Variants in PCDHGB6 observed in about 807,000 individuals in gnomAD.
The protein encoded by PCDHGB6 is protocadherin gamma subfamily B, 6.
Under a neutral mutation model 59.1 loss-of-function variants are expected in PCDHGB6, and 51 were observed. That is an observed-to-expected ratio of 0.86 (90% CI 0.69 to 1.09). The LOEUF is 1.09. Among genes scored for constraint, PCDHGB6 ranks in the 50% least tolerant of loss-of-function variants. PCDHGB6 has a pLI of 0.00. For missense variants in PCDHGB6, 1,148 were observed against 1,205.1 expected, an observed-to-expected ratio of 0.95 and a Z score of 0.70; for synonymous variants, 466 against 495.1, an observed-to-expected ratio of 0.94 and a Z score of 0.78.
chr5:141,415,278 G>A (rs768587119), intron 1 of PCDHGB6: 4 of 1,614,212 alleles, frequency 2.5e-6, no homozygotes, highest in Non-Finnish European at 3.4e-6. Flanking sequence ...TGGTAGCGGT[G>A]GCCGCGGTCT....
chr5:141,468,939 G>A (rs2099186103), intron 1 of PCDHGB6, among the ~76,000 whole-genome samples: 1 of 144,350 alleles, frequency 6.9e-6, no homozygotes, highest in Non-Finnish European at 1.5e-5. Context: ...ATGGGAGATG[G>A]GGTAAACCTG....
chr5:141,409,314 C>G lies in PCDHGB6; in HGVS notation c.1112C>G (p.Thr371Arg). Residue 371 changes from threonine (T) to arginine (R), a missense_variant, in exon 1 of 4, where the codon ACA becomes AGA. Thr to Arg is a moderately conservative substitution (Grantham distance 71). Around this residue, in one of 5 missense-constraint regions of PCDHGB6, gnomAD observed 549 missense variants for 527.5 expected, o/e 1.04. Transcript: ENST00000520790. ...PPGMVVALFK[T>R]RDLDFGGNGE... ...GGAATGGTTGTTGCCCTCTTCAAAA[C>G]ACGGGATCTGGATTTCGGAGGAAAT... The G allele has an allele frequency of 1.9e-6, 3 of 1,613,878 alleles. No homozygotes were observed. Among genetic ancestry groups the G allele is most frequent in the Non-Finnish European group, 2.5e-6 (3 of 1,179,846 alleles).
At chr5:141,422,206 G>C (rs1269700250) in intron 1 of PCDHGB6, 2 of 1,562,442 alleles carry the variant, frequency 1.3e-6, no homozygotes, top group East Asian at 4.5e-5. Context: ...AGATGGTGGA[G>C]GTCTCTTTAC....
chr5:141,511,359 T>C lies in PCDHGB6; in HGVS notation c.*186T>C. The stretch of plus-strand genomic sequence containing the variant: ...CACCTACCCCTTCCCCCCCAGGGGG[T>C]TGAATATGCAAAAGCAGTTCCGCTG... On this transcript the variant is annotated 3_prime_UTR_variant, in exon 4 of 4. Coordinates refer to ENST00000520790, the MANE Select transcript of PCDHGB6 (RefSeq NM_018926.3). The C allele has an allele frequency of 2.2e-6, 3 of 1,339,338 alleles. No homozygotes were observed. In the South Asian group the frequency reaches 4.6e-5, roughly 20 times the overall value. The allele number at this position is 1,339,338 out of a possible 1,614,324, so 83.0% of individuals were successfully genotyped here. A position where few individuals can be genotyped will look rare whatever the true frequency, so the allele number is the denominator to read the frequency against.
chr5:141,409,109 A>G lies in PCDHGB6; in HGVS notation c.907A>G (p.Asn303Asp). The G allele has an allele frequency of 6.2e-7, 1 of 1,614,028 alleles. No homozygotes were observed. Among genetic ancestry groups the G allele is most frequent in the Non-Finnish European group, 8.5e-7 (1 of 1,179,892 alleles). Residue 303 changes from asparagine (N) to aspartate (D), a missense_variant, in exon 1 of 4, where the codon AAT becomes GAT. This residue lies in a region of PCDHGB6 where 549 missense variants were observed against 527.5 expected (regional missense o/e 1.04). Transcript: ENST00000520790. ...GGATGAGAAAACAGGTATGATTAAGAATAACCAGTCATTTGATTTTGAAGA... is the reference window on the plus strand; with the variant it reads ...GGATGAGAAAACAGGTATGATTAAGGATAACCAGTCATTTGATTTTGAAGA... ...SLDEKTGMIK[N>D]NQSFDFEDVE...
intron 1 of PCDHGB6, among the ~76,000 whole-genome samples, chr5:141,445,784 G>A (rs2098477494): frequency 6.6e-6 from 1 of 152,168 alleles, no homozygotes; most frequent in Non-Finnish European, 1.5e-5. Flanking sequence ...GGGCTAGGGA[G>A]GCTAGAAACA....
intron 1 of PCDHGB6, among the ~76,000 whole-genome samples, chr5:141,446,381 T>C (rs1225260527): frequency 1.3e-5 from 2 of 152,248 alleles, no homozygotes; most frequent in Non-Finnish European, 2.9e-5. Flanking sequence ...TAAAGAATGA[T>C]AGATTTAAGA....
chr5:141,419,214 T>C lies in PCDHGB6; in HGVS notation c.2418+8594T>C. On this transcript the variant is annotated intron_variant, in intron 1 of 3. Coordinates refer to ENST00000520790, the MANE Select transcript of PCDHGB6 (RefSeq NM_018926.3). ...GACGTCAATGACAACGCGCCGGTTT[T>C]CGGACAGTCAGCCTACCTGGTCCAC... 1.9e-6 allele frequency: 3 copies of C among 1,613,986 alleles called. No individual in the cohort carries two copies. In the South Asian group the frequency reaches 3.3e-5, roughly 18 times the overall value.
chr5:141,438,617 TATATATATATATATATATACAC>T (rs1342425883), intron 1 of PCDHGB6, among the ~76,000 whole-genome samples: 18 of 37,162 alleles, frequency 4.8e-4, no homozygotes, highest in Admixed American at 2.0e-3. Flanking sequence ...TATATATATA[TATATATATATATATATATACAC>T]ACACACACAC....
At chr5:141,500,450 C>A (rs2099800340) in intron 2 of PCDHGB6, among the ~76,000 whole-genome samples, 1 of 152,072 alleles carries the variant, frequency 6.6e-6, no homozygotes, top group Non-Finnish European at 1.5e-5. Flanking sequence ...ACCTCGTGAT[C>A]CGCCCGCCTC....
In PCDHGB6 at chr5:141,491,561, A is replaced by G. The variant is rs1289732955; in HGVS notation, c.2419-3246A>G. ...CCCACAGACTCGCAGAGCCACTGCT[A>G]CAGGACGTGCTTTTCACCGGCCTCG... On this transcript the variant is annotated intron_variant, in intron 1 of 3. Transcript: ENST00000520790. The surrounding 1 kb of genome is among the most constrained non-coding windows in gnomAD (Gnocchi z 6.9). The G allele has an allele frequency of 6.2e-7, 1 of 1,613,938 alleles. No homozygotes were observed. Among genetic ancestry groups the G allele is most frequent in the Non-Finnish European group, 8.5e-7 (1 of 1,180,018 alleles).
Position 141,490,909 on chromosome 5 carries a change from G to C in PCDHGB6, c.2419-3898G>C. ...ATCTCTGCATGTGTTTGTCCTAGAC[G>C]AGAATGATAATGCCCCAGCTGTGCT... On this transcript the variant is annotated intron_variant, in intron 1 of 3. Coordinates refer to ENST00000520790, the MANE Select transcript of PCDHGB6 (RefSeq NM_018926.3). This position sits in a 1 kb window ranked among gnomAD's most constrained non-coding sequence, Gnocchi z 5.4. 1 of 1,613,744 alleles carries C rather than the reference G, an allele frequency of 6.2e-7. No individual in the cohort carries two copies. The highest frequency in any genetic ancestry group is 2.2e-5 in the East Asian group (1 of 44,870).
intron 1 of PCDHGB6, among the ~76,000 whole-genome samples, chr5:141,445,978 TTATAAA>T (rs551337386): frequency 6.6e-6 from 1 of 152,272 alleles, no homozygotes; most frequent in East Asian, 1.9e-4. Context: ...TTTATGAGGG[TTATAAA>T]TAGAAATAGG....
At chr5:141,415,937 C>T (rs939831077) in intron 1 of PCDHGB6, 8 of 587,822 alleles carry the variant, frequency 1.4e-5, no homozygotes, top group Non-Finnish European at 2.0e-5. Context: ...TATATTTCCT[C>T]CTGGGTGGTC....
intron 1 of PCDHGB6, chr5:141,415,950 A>G (rs996935488): frequency 4.0e-6 from 2 of 498,646 alleles, no homozygotes; most frequent in Non-Finnish European, 6.1e-6. Flanking sequence ...GGGTGGTCAC[A>G]TATTGAAACT....
At chr5:141,428,091 T>C (rs769710543) in intron 1 of PCDHGB6, 2 of 1,609,000 alleles carry the variant, frequency 1.2e-6, no homozygotes, top group East Asian at 2.2e-5. Flanking sequence ...CGCTTGGCTG[T>C]CCTACCACGT....
intron 1 of PCDHGB6, chr5:141,427,734 C>A (rs2097062807): frequency 1.7e-6 from 2 of 1,207,418 alleles, no homozygotes; most frequent in Non-Finnish European, 2.4e-6. Flanking sequence ...GCTGAATGGC[C>A]AAGTCTCCTA....
intron 1 of PCDHGB6, among the ~76,000 whole-genome samples, chr5:141,492,927 G>A (rs925569925): frequency 2.0e-5 from 3 of 152,180 alleles, no homozygotes; most frequent in Admixed American, 6.5e-5. Context: ...AGCGATCTAG[G>A]GTCAGAGATT....
At chr5:141,464,861 C>G (rs1178430383) in intron 1 of PCDHGB6, among the ~76,000 whole-genome samples, 1 of 152,134 alleles carries the variant, frequency 6.6e-6, no homozygotes, top group Non-Finnish European at 1.5e-5. Flanking sequence ...ACCTTAGCCT[C>G]CCAAGTAGCT....
Sources: gnomAD v4.1 joint callset for allele counts (sites outside exome capture counted in the v4.1 genomes callset) on GRCh38, gnomAD v4.1.1 for gene constraint, gnomAD v4.1.1 regional missense constraint, Gnocchi (gnomAD v3.1) non-coding constraint, MANE v1.5 for transcripts, NCBI Gene and HGNC (gene_info 2026-07-23, HGNC 2026-07-21) for gene names.